The following SEL1L variants were observed in gnomAD, a reference collection of about 807,000 sequenced individuals.
SEL1L encodes SEL1L adaptor subunit of SYVN1 ubiquitin ligase.
A neutral mutation model predicts 109.8 loss-of-function variants in SEL1L; 52 were observed. The ratio of observed to expected loss-of-function variants is 0.47; its 90% CI spans 0.38 to 0.60. The LOEUF (loss-of-function observed/expected upper bound fraction) is 0.60, where lower values mean the gene tolerates loss of function less well. Ranked by LOEUF, SEL1L falls within the 20% of genes least tolerant of loss-of-function variation. The pLI, the probability that SEL1L is intolerant of heterozygous loss-of-function variation, is 0.00. For missense variants in SEL1L, 749 were observed against 962.2 expected (o/e 0.78, Z 2.93); for synonymous variants, 373 against 339.6 (o/e 1.10, Z -1.08).
chr14:81,519,086 C>A (rs1050453433), intron 3 of SEL1L, among the ~76,000 whole-genome samples: 1 of 152,164 alleles, frequency 6.6e-6, no homozygotes, highest in Admixed American at 6.5e-5. Flanking sequence ...TTGGTACATG[C>A]CAGGAAGAGA....
In SEL1L at chr14:81,502,654, G is replaced by C. The variant is rs970417221; in HGVS notation, c.777+67C>G. On this transcript the variant is annotated intron_variant, in intron 6 of 20. Coordinates refer to ENST00000336735, the MANE Select transcript of SEL1L (RefSeq NM_005065.6). ...TTTTTAAAAGAAGTCAGGACATAGA[G>C]AGTAAACTGCTTTTAAAACTAACAA... 4.2e-5 allele frequency: 62 copies of C among 1,492,958 alleles called. 1 individual carries two copies. The South Asian group carries it at 7.3e-4, about 18-fold the overall frequency. 92.5% of individuals were successfully genotyped at this position (1,492,958 alleles called of 1,614,324 possible).
At chr14:81,533,214 G>A (rs1403842435) in intron 1 of SEL1L, among the ~76,000 whole-genome samples, 1 of 152,168 alleles carries the variant, frequency 6.6e-6, no homozygotes, top group African/African-American at 2.4e-5. Context: ...CATCTCAGGT[G>A]TTAAGCAAAC....
chr14:81,486,397 T>A lies in SEL1L; in HGVS notation c.1690A>T (p.Asn564Tyr). Residue 564 changes from asparagine to tyrosine, a missense_variant, in exon 17 of 21, where the codon AAC (asparagine) becomes TAC (tyrosine). Asn to Tyr is a moderately radical substitution (Grantham distance 143). Transcript: ENST00000336735. ...TTGTAATCGCCATCTTTATAGCTGT[T>A]ATAGGCAGTCATAAGCCTTTCAGAC... ...RWSERLMTAY[N>Y]SYKDGDYNAA... 1 of 1,614,176 alleles carries A rather than the reference T, an allele frequency of 6.2e-7. No individual in the cohort carries two copies. The highest frequency in any genetic ancestry group is 8.5e-7 in the Non-Finnish European group (1 of 1,180,024).
intron 10 of SEL1L, among the ~76,000 whole-genome samples, chr14:81,497,247 A>G (rs190190861): frequency 4.1e-4 from 62 of 152,320 alleles, no homozygotes; most frequent in African/African-American, 1.3e-3. Flanking sequence ...ACTGTTCTTA[A>G]TAAGTATCTA....
intron 1 of SEL1L, among the ~76,000 whole-genome samples, chr14:81,532,950 G>A (rs1036948382): frequency 4.6e-5 from 7 of 151,976 alleles, no homozygotes; most frequent in African/African-American, 1.7e-4. Flanking sequence ...AAAAAAGGGG[G>A]AAAAAAGCAG....
intron 3 of SEL1L, among the ~76,000 whole-genome samples, chr14:81,513,830 A>G (rs1298707770): frequency 6.6e-6 from 1 of 152,152 alleles, no homozygotes; most frequent in Non-Finnish European, 1.5e-5. Context: ...TTCTCGGCTG[A>G]GCCAAGGGTG....
In SEL1L at chr14:81,495,154, A is replaced by G; in HGVS notation, c.1129-17T>C. The G allele has an allele frequency of 1.2e-6, 2 of 1,613,526 alleles. No individual in the cohort carries two copies. Among genetic ancestry groups the G allele is most frequent in the Non-Finnish European group, 1.7e-6 (2 of 1,179,554 alleles). ...AAGACCAACCTGAAAATGATCACAA[A>G]CAAGGCAAAAGTAAGTGGTACCATC... On this transcript the variant is annotated splice_polypyrimidine_tract_variant and intron_variant, in intron 10 of 20. Transcript: ENST00000336735.
At chr14:81,485,629 G>A (rs765194591) in intron 18 of SEL1L, 43 bp downstream of exon 18, 31 of 1,482,560 alleles carry the variant, frequency 2.1e-5, no homozygotes, top group Non-Finnish European at 2.9e-5. Context: ...ACAACATAGG[G>A]AGGTCCCTGG....
intron 6 of SEL1L, among the ~76,000 whole-genome samples, chr14:81,500,086 T>C (rs776750136): frequency 6.6e-6 from 1 of 151,886 alleles, no homozygotes; most frequent in Non-Finnish European, 1.5e-5. Context: ...GTTTTTGTAC[T>C]TTTTGGTAGA....
intron 10 of SEL1L, among the ~76,000 whole-genome samples, chr14:81,496,661 A>G (rs1883763451): frequency 2.6e-5 from 4 of 152,088 alleles, no homozygotes; most frequent in Admixed American, 2.6e-4. Context: ...AATCGCTTGA[A>G]CCCGGGAAGC....
At position 81,486,448 on chromosome 14, in the gene SEL1L, T is replaced by A; in HGVS notation, c.1639A>T (p.Lys547Ter). The A allele has an allele frequency of 6.2e-7, 1 of 1,613,288 alleles. No homozygotes were observed. The highest frequency in any genetic ancestry group is 8.5e-7 in the Non-Finnish European group (1 of 1,179,708). The change falls in exon 17 of 21, where the codon AAG becomes TAG. Residue 547 changes from lysine to a stop codon, truncating the protein, a stop_gained. Transcript: ENST00000336735. LOFTEE classifies it high-confidence loss of function. ...RSCHTAVELFKNVCERGRWSE... is the reference protein window; with the variant it reads ...RSCHTAVELF Reference sequence around the variant, plus strand: ...CAACGGCCTCGTTCACATACATTCTTAAACAACTGTGTGAGGTGGGGAAAA... The same window carrying A: ...CAACGGCCTCGTTCACATACATTCTAAAACAACTGTGTGAGGTGGGGAAAA...
intron 19 of SEL1L, among the ~76,000 whole-genome samples, chr14:81,482,832 C>G (rs1449846172): frequency 6.6e-6 from 1 of 152,156 alleles, no homozygotes; most frequent in Non-Finnish European, 1.5e-5. Context: ...AAATGAACAA[C>G]TTTCCCTCAA....
At chr14:81,486,940 A>C (rs1289770157) in intron 16 of SEL1L, among the ~76,000 whole-genome samples, 1 of 151,688 alleles carries the variant, frequency 6.6e-6, no homozygotes, top group Non-Finnish European at 1.5e-5. Flanking sequence ...TCCTTTTTGG[A>C]ACATTCATTC....
chr14:81,502,215 GATCT>G (rs373809516), intron 6 of SEL1L, among the ~76,000 whole-genome samples: 1 of 152,036 alleles, frequency 6.6e-6, no homozygotes, highest in African/African-American at 2.4e-5. Context: ...CAAAGAGAAA[GATCT>G]ATTACAGAAA....
At chr14:81,503,191 C>T (rs1884085715) in intron 5 of SEL1L, among the ~76,000 whole-genome samples, 2 of 151,948 alleles carry the variant, frequency 1.3e-5, no homozygotes, top group South Asian at 4.1e-4. Flanking sequence ...GGGGTTTCAC[C>T]ATGTTGGTCA....
intron 6 of SEL1L, among the ~76,000 whole-genome samples, chr14:81,501,955 A>T (rs1884028128): frequency 6.6e-6 from 1 of 151,816 alleles, no homozygotes; most frequent in Non-Finnish European, 1.5e-5. Flanking sequence ...TTCTGCAGAA[A>T]AACTGGCCCT....
Position 81,499,589 on chromosome 14 carries a change from TA to T in SEL1L, c.831+19del. The T allele has an allele frequency of 6.2e-7, 1 of 1,609,788 alleles. No homozygotes were observed. The highest frequency in any genetic ancestry group is 8.5e-7 in the Non-Finnish European group (1 of 1,178,990). On this transcript the variant is annotated intron_variant, in intron 7 of 20. Transcript: ENST00000336735. Reference sequence around the variant, plus strand: ...ATTCAATTCAAATTGTAATATGCAATAAAGTTTTAATAGTATTACCTTTGCC... The same window carrying T: ...ATTCAATTCAAATTGTAATATGCAATAAGTTTTAATAGTATTACCTTTGCC...
chr14:81,500,382 G>A (rs1260519283), intron 6 of SEL1L, among the ~76,000 whole-genome samples: 6 of 151,846 alleles, frequency 4.0e-5, no homozygotes, highest in African/African-American at 1.2e-4. Flanking sequence ...TACAGGTGCC[G>A]CCACCATGCC....
At chr14:81,483,235 T>A (rs1903414957) in intron 19 of SEL1L, among the ~76,000 whole-genome samples, 1 of 152,192 alleles carries the variant, frequency 6.6e-6, no homozygotes, top group African/African-American at 2.4e-5. Flanking sequence ...AATCTCAATT[T>A]TTAACAAATA....
Sources: allele counts gnomAD v4.1 joint callset (sites outside exome capture counted in the v4.1 genomes callset), GRCh38; gene constraint gnomAD v4.1.1; transcripts MANE v1.5; gene names NCBI Gene and HGNC (gene_info 2026-07-23, HGNC 2026-07-21).